Variants in GRHL3 observed in about 807,000 individuals in gnomAD.
The protein encoded by GRHL3 is grainyhead like transcription factor 3.
Under a neutral mutation model 70.3 loss-of-function variants are expected in GRHL3, and 20 were observed. That is an observed-to-expected ratio of 0.28 (90% CI 0.20 to 0.41). The LOEUF is 0.41. Ranked by LOEUF, GRHL3 falls within the 10% of genes least tolerant of loss-of-function variation. The pLI, the probability that GRHL3 is intolerant of heterozygous loss-of-function variation, is 1.00. For synonymous variants in GRHL3, 299 were observed against 299.9 expected (o/e 1.00, Z 0.03); for missense variants, 637 against 762.3 (o/e 0.84, Z 1.94).
At position 24,321,689 on chromosome 1, in the gene GRHL3, C is replaced by G. The variant is rs1192121315; in HGVS notation, c.17+2121C>G. ...ACCTGGCAGGAACAACTGTGAGCTCCCAAATGTGGACCAGAGCTCCATCCG... is the reference window on the plus strand; with the variant it reads ...ACCTGGCAGGAACAACTGTGAGCTCGCAAATGTGGACCAGAGCTCCATCCG... On this transcript the variant is annotated intron_variant, in intron 1 of 15. Transcript: ENST00000361548. This position sits in a 1 kb window ranked among gnomAD's most constrained non-coding sequence, Gnocchi z 4.0. The G allele has an allele frequency of 6.6e-6, 1 of 152,260 alleles. No homozygotes were observed. Among genetic ancestry groups the G allele is most frequent in the Non-Finnish European group, 1.5e-5 (1 of 68,084 alleles). The allele number at this position is 152,260 out of a possible 1,614,324, so 9.4% of individuals were successfully genotyped here. A position where few individuals can be genotyped will look rare whatever the true frequency, so the allele number is the denominator to read the frequency against.
At chr1:24,340,576 T>C (rs1639997327) in intron 8 of GRHL3, among the ~76,000 whole-genome samples, 2 of 152,218 alleles carry the variant, frequency 1.3e-5, no homozygotes, top group Non-Finnish European at 2.9e-5. Context: ...AGTCAGGAGC[T>C]GAGCACCTTC....
intron 3 of GRHL3, 81 bp from the exon 4 acceptor site, chr1:24,336,401 G>T (rs891932271): frequency 2.3e-6 from 2 of 867,738 alleles, no homozygotes; most frequent in African/African-American, 3.4e-5. Context: ...AGGCCAGTGT[G>T]TCAGTTGCCT....
intron 11 of GRHL3, among the ~76,000 whole-genome samples, chr1:24,343,785 C>A (rs1640140532): frequency 6.6e-6 from 1 of 152,188 alleles, no homozygotes; most frequent in Non-Finnish European, 1.5e-5. Flanking sequence ...GGGTACAGCT[C>A]CGCACTGTTT....
intron 3 of GRHL3, among the ~76,000 whole-genome samples, chr1:24,335,797 T>G (rs1028284779): frequency 1.1e-4 from 17 of 152,134 alleles, no homozygotes; most frequent in Non-Finnish European, 2.9e-5. Context: ...TTAGCCAGGA[T>G]GGTCTCGATC....
intron 1 of GRHL3, among the ~76,000 whole-genome samples, chr1:24,329,130 C>G (rs1639508430): frequency 6.6e-6 from 1 of 152,218 alleles, no homozygotes; most frequent in Admixed American, 6.5e-5. Flanking sequence ...TCTCCGCACC[C>G]CTAGAACAGG....
chr1:24,328,475 C>A (rs1242670222), intron 1 of GRHL3, among the ~76,000 whole-genome samples: 1 of 152,206 alleles, frequency 6.6e-6, no homozygotes, highest in Non-Finnish European at 1.5e-5. Context: ...GATTGGAGAC[C>A]TTATAGGCCA....
At chr1:24,359,028 G>A (rs985214754), downstream of GRHL3, among the ~76,000 whole-genome samples, 2 of 152,188 alleles carry the variant, frequency 1.3e-5, no homozygotes, top group African/African-American at 4.8e-5. The surrounding 1 kb of genome is among the most constrained non-coding windows in gnomAD (Gnocchi z 5.3). Flanking sequence ...GAGATGAGCA[G>A]GGCTTGGGAA....
intron 2 of GRHL3, among the ~76,000 whole-genome samples, chr1:24,332,618 G>A (rs1639653584): frequency 6.6e-6 from 1 of 152,202 alleles, no homozygotes; most frequent in Admixed American, 6.5e-5. Flanking sequence ...CTGACTTGCT[G>A]TCCCTGGGCT....
rs894028638 is a variant in GRHL3, at chr1:24,342,377, G to GT, written c.1206+109dup. On this transcript the variant is annotated intron_variant, in intron 9 of 15. Coordinates refer to ENST00000361548, the MANE Select transcript of GRHL3 (RefSeq NM_198173.3). This position sits in a 1 kb window ranked among gnomAD's most constrained non-coding sequence, Gnocchi z 4.8. The stretch of plus-strand genomic sequence containing the variant: ...TTCTCTGGGTTGTCTGTCTCTCTCT[G>GT]TTTTTCTATCCCTTCTCCTCCTTCC... The GT allele has an allele frequency of 3.0e-6, 3 of 986,384 alleles. No homozygotes were observed. In the Admixed American group the frequency reaches 7.3e-5, roughly 24 times the overall value. The allele number at this position is 986,384 out of a possible 1,614,324, so 61.1% of individuals were successfully genotyped here.
chr1:24,351,671 T>TG (rs1640515628), intron 15 of GRHL3, among the ~76,000 whole-genome samples: 1 of 4,740 alleles, frequency 2.1e-4, no homozygotes, highest in South Asian at 9.4e-3. Context: ...CATGGGGGGG[T>TG]GGGAGGGTGG....
chr1:24,344,482 CCAGAAA>C, intron 11 of GRHL3, among the ~76,000 whole-genome samples: 1 of 121,388 alleles, frequency 8.2e-6, no homozygotes, highest in Middle Eastern at 4.0e-3. Flanking sequence ...CTCTTTCCCC[CCAGAAA>C]AAAAAAAAAA....
rs571213405 is a variant in GRHL3, at chr1:24,346,632, C to T, written c.1534C>T (p.Leu512Phe). 8.0e-5 allele frequency: 129 copies of T among 1,611,914 alleles called. No homozygotes were observed. In the South Asian group the frequency reaches 1.3e-3, roughly 16 times the overall value. The change falls in exon 13 of 16, where the codon CTT becomes TTT. Residue 512 changes from leucine to phenylalanine, a missense_variant. By Grantham distance (22) the Leu-to-Phe change is conservative. Around this residue, in one of 2 missense-constraint regions of GRHL3, gnomAD observed 387 missense variants for 513.8 expected, o/e 0.75. Transcript: ENST00000361548. ...LPSKQAKEGD[L>F]QRVLLYVRRE... is the part of the protein sequence containing the mutation. ...CTCCAAGCAGGCCAAGGAAGGCGAC[C>T]TTCAGAGAGGTGACCTCCCGCCCTC...
At chr1:24,324,979 C>T (rs947331476) in intron 1 of GRHL3, among the ~76,000 whole-genome samples, 3 of 152,168 alleles carry the variant, frequency 2.0e-5, no homozygotes, top group Admixed American at 6.5e-5. Flanking sequence ...CTGGCAGGCA[C>T]GAGAACCCTG....
chr1:24,347,808 T>C (rs1306901107), intron 14 of GRHL3, among the ~76,000 whole-genome samples: 1 of 152,230 alleles, frequency 6.6e-6, no homozygotes, highest in Non-Finnish European at 1.5e-5. Context: ...TGATGGCTGC[T>C]GTCTGACAGG....
At chr1:24,350,954 G>A (rs1213082178) in intron 15 of GRHL3, among the ~76,000 whole-genome samples, 2 of 152,316 alleles carry the variant, frequency 1.3e-5, no homozygotes, top group East Asian at 1.9e-4. Context: ...CAGAGCTAGT[G>A]AGCCTGTCCT....
Position 24,345,087 on chromosome 1 carries a change from T to C in GRHL3, c.1454+156T>C, listed in dbSNP as rs1640210344. On this transcript the variant is annotated intron_variant, in intron 12 of 15. Coordinates refer to ENST00000361548, the MANE Select transcript of GRHL3 (RefSeq NM_198173.3). ...TCCACACCTGTGCCCCCTCTACACC[T>C]GTGCCCCTCCACACCTGTGCCCCCT... is the stretch of plus-strand genomic sequence containing the variant. Among the ~76,000 whole-genome samples, 3 of 109,222 alleles carry C rather than the reference T, an allele frequency of 2.7e-5. No homozygotes were observed. In the Admixed American group the frequency reaches 3.2e-4, roughly 12 times the overall value. The allele number at this position is 109,222 out of a possible 152,430, so 71.7% of individuals were successfully genotyped here. A position where few individuals can be genotyped will look rare whatever the true frequency, so the allele number is the denominator to read the frequency against.
Position 24,321,171 on chromosome 1 carries a change from G to C in GRHL3, c.17+1603G>C, listed in dbSNP as rs1478382852. Among the ~76,000 whole-genome samples, 14 of 152,218 alleles carry C rather than the reference G, an allele frequency of 9.2e-5. No homozygotes were observed. The highest frequency in any genetic ancestry group is 5.8e-4 in the East Asian group (3 of 5,196). On this transcript the variant is annotated intron_variant, in intron 1 of 15. Coordinates refer to ENST00000361548, the MANE Select transcript of GRHL3 (RefSeq NM_198173.3). The surrounding 1 kb of genome is among the most constrained non-coding windows in gnomAD (Gnocchi z 4.0). ...GAATCTATTCATTACTGCACGTTAGGGGGTATGTGTTCTGAAGCTGGGTTA... is the reference window on the plus strand; with the variant it reads ...GAATCTATTCATTACTGCACGTTAGCGGGTATGTGTTCTGAAGCTGGGTTA...
chr1:24,332,963 G>A (rs1490858834), intron 2 of GRHL3, among the ~76,000 whole-genome samples: 3 of 152,196 alleles, frequency 2.0e-5, no homozygotes, highest in Non-Finnish European at 4.4e-5. Flanking sequence ...GAGTTTGAAT[G>A]GCTGCCTTGG....
Position 24,322,312 on chromosome 1 carries a change from A to G in GRHL3, c.17+2744A>G, listed in dbSNP as rs1009142961. Among the ~76,000 whole-genome samples, 3 of 152,212 alleles carry G rather than the reference A, an allele frequency of 2.0e-5. No homozygotes were observed. The highest frequency in any genetic ancestry group is 4.4e-5 in the Non-Finnish European group (3 of 67,988). The stretch of plus-strand genomic sequence containing the variant: ...GGGGGAAGGGGACTAGAACCGTCGC[A>G]GTCCTGACCGCGGCCGCCGCCGCCG... On this transcript the variant is annotated intron_variant, in intron 1 of 15. Coordinates refer to ENST00000361548, the MANE Select transcript of GRHL3 (RefSeq NM_198173.3). This position sits in a 1 kb window ranked among gnomAD's most constrained non-coding sequence, Gnocchi z 4.4.
Sources: allele counts gnomAD v4.1 joint callset (sites outside exome capture counted in the v4.1 genomes callset), GRCh38; gene constraint gnomAD v4.1.1; regional missense constraint gnomAD v4.1.1; non-coding constraint Gnocchi (gnomAD v3.1); transcripts MANE v1.5; gene names NCBI Gene and HGNC (gene_info 2026-07-23, HGNC 2026-07-21).